ALDH1A3: variants seen among roughly 807,000 people sequenced by gnomAD.
The protein encoded by ALDH1A3 is retinaldehyde dehydrogenase 3.
Under a neutral mutation model 57.5 loss-of-function variants are expected in ALDH1A3, and 28 were observed. That is an observed-to-expected ratio of 0.49 (90% CI 0.36 to 0.67). ALDH1A3 has a LOEUF of 0.67. ALDH1A3 is among the 30% of genes least tolerant of loss of function. The pLI is 0.00. For synonymous variants in ALDH1A3, 281 were observed against 264.8 expected (o/e 1.06, Z -0.59); for missense variants, 507 against 669.4 (o/e 0.76, Z 2.68).
At chr15:100,896,491 A>G (rs1052415360) in intron 7 of ALDH1A3, among the ~76,000 whole-genome samples, 10 of 152,158 alleles carry the variant, frequency 6.6e-5, no homozygotes, top group Admixed American at 3.3e-4. Context: ...CATTAAGCTT[A>G]AACTAGTTTG....
At chr15:100,903,859 TA>T (rs1567172981) in intron 9 of ALDH1A3, among the ~76,000 whole-genome samples, 1 of 152,252 alleles carries the variant, frequency 6.6e-6, no homozygotes, top group African/African-American at 2.4e-5. Flanking sequence ...GCATTTTTCT[TA>T]TCACTTCTAA....
intron 2 of ALDH1A3, 93 bp downstream of exon 2, chr15:100,885,464 G>C (rs2041585793): frequency 1.1e-6 from 1 of 941,204 alleles, no homozygotes; most frequent in Non-Finnish European, 1.7e-6. Context: ...GACAGAACTG[G>C]CCTATCCTGG....
rs761893946 is a variant in ALDH1A3, at chr15:100,893,017, C to T, written c.537+11C>T. On this transcript the variant is annotated intron_variant, in intron 5 of 12. Transcript: ENST00000329841. The surrounding 1 kb of genome is among the most constrained non-coding windows in gnomAD (Gnocchi z 4.8). ...GGGGCCATCACTCCAGTAAGTATGG[C>T]AGCCTTTCTCAGTAGATTCTATGTA... The T allele has an allele frequency of 3.1e-6, 5 of 1,611,502 alleles. No homozygotes were observed. The African/African-American group carries it at 6.7e-5, about 22-fold the overall frequency.
intron 8 of ALDH1A3, among the ~76,000 whole-genome samples, chr15:100,899,929 T>C (rs980929959): frequency 1.3e-5 from 2 of 152,230 alleles, no homozygotes; most frequent in African/African-American, 4.8e-5. Context: ...TTGGTGGTGA[T>C]GAAACCAGCC....
chr15:100,892,267 A>G (rs2041657952), intron 3 of ALDH1A3: 9 of 493,108 alleles, frequency 1.8e-5, no homozygotes, highest in Non-Finnish European at 1.8e-5. Context: ...GTGCATGTCT[A>G]TGTTTTAGCC....
rs748803800 is a variant in ALDH1A3 at position 100,894,067 on chromosome 15, C to T, written c.651C>T (p.Gly217=). Reference sequence around the variant, plus strand: ...CACCTCTCACCGCCCTTTATCTCGGCTCTCTGATCAAAGAGGTGAGACATC... The same window carrying T: ...CACCTCTCACCGCCCTTTATCTCGGTTCTCTGATCAAAGAGGTGAGACATC... ...EQTPLTALYL[G]SLIKEAGFPP... The change falls in exon 6 of 13, where the codon GGC becomes GGT. Residue 217 remains glycine, a synonymous_variant. Coordinates refer to ENST00000329841, the MANE Select transcript of ALDH1A3 (RefSeq NM_000693.4). The surrounding 1 kb of genome is among the most constrained non-coding windows in gnomAD (Gnocchi z 4.5). The T allele has an allele frequency of 1.2e-6, 2 of 1,614,102 alleles. No individual in the cohort carries two copies. The highest frequency in any genetic ancestry group is 1.7e-6 in the Non-Finnish European group (2 of 1,180,012).
At chr15:100,880,565 C>T in intron 1 of ALDH1A3, 1 of 213,724 alleles carries the variant, frequency 4.7e-6, no homozygotes. Flanking sequence ...GGCTCAGCAG[C>T]AGAACGAGGA....
intron 7 of ALDH1A3, among the ~76,000 whole-genome samples, chr15:100,897,620 C>G (rs2041720256): frequency 6.6e-6 from 1 of 152,250 alleles, no homozygotes; most frequent in South Asian, 2.1e-4. Flanking sequence ...CTTGGAGGTT[C>G]CCTCAGATCA....
chr15:100,903,771 C>A (rs1019949273), intron 9 of ALDH1A3, among the ~76,000 whole-genome samples: 1 of 152,154 alleles, frequency 6.6e-6, no homozygotes, highest in Non-Finnish European at 1.5e-5. Context: ...GGTAGAACAT[C>A]TTATTATATA....
intron 1 of ALDH1A3, among the ~76,000 whole-genome samples, chr15:100,884,894 C>G (rs1167118134): frequency 6.6e-6 from 1 of 152,314 alleles, no homozygotes; most frequent in East Asian, 1.9e-4. Context: ...AACCTATTGA[C>G]TCTTCCCCCA....
Position 100,908,490 on chromosome 15 carries a change from T to C in ALDH1A3, c.1466+8T>C, listed in dbSNP as rs2041848683. 6.2e-7 allele frequency: 1 copy of C among 1,608,552 alleles called. No individual in the cohort carries two copies. The highest frequency in any genetic ancestry group is 8.5e-7 in the Non-Finnish European group (1 of 1,174,968). ...AGGAAATGGCAGAGAACTGTAAGTG[T>C]TTCCATCATTCTGAGCCTGCCGTGG... On this transcript the variant is annotated splice_region_variant and intron_variant, in intron 12 of 12. Transcript: ENST00000329841.
chr15:100,894,226 C>A lies in ALDH1A3; in HGVS notation c.666+144C>A. 9.6e-7 allele frequency: 1 copy of A among 1,041,606 alleles called. No homozygotes were observed. Among genetic ancestry groups the A allele is most frequent in the Non-Finnish European group, 1.4e-6 (1 of 724,104 alleles). 64.5% of individuals were successfully genotyped at this position (1,041,606 alleles called of 1,614,324 possible). ...TGACTTCCAGTGTTTTGTTTGGCGACTGCACGTTCTTTCTCCTGCTTGTGG... is the reference window on the plus strand; with the variant it reads ...TGACTTCCAGTGTTTTGTTTGGCGAATGCACGTTCTTTCTCCTGCTTGTGG... On this transcript the variant is annotated intron_variant, in intron 6 of 12. Transcript: ENST00000329841. The surrounding 1 kb of genome is among the most constrained non-coding windows in gnomAD (Gnocchi z 4.5).
chr15:100,905,897 A>C (rs2041817686), intron 10 of ALDH1A3, among the ~76,000 whole-genome samples: 1 of 152,242 alleles, frequency 6.6e-6, no homozygotes, highest in Middle Eastern at 3.4e-3. Context: ...GGCGAACTCC[A>C]AGCATGATAC....
chr15:100,912,364 TTTG>T (rs2041889759), intron 12 of ALDH1A3, among the ~76,000 whole-genome samples: 1 of 152,244 alleles, frequency 6.6e-6, no homozygotes. Context: ...ATTCCTGTCC[TTTG>T]TTGATTTTTC....
chr15:100,880,293 G>A (rs2041534439), intron 1 of ALDH1A3: 1 of 380,388 alleles, frequency 2.6e-6, no homozygotes, highest in Non-Finnish European at 4.7e-6. Flanking sequence ...AGGCCCCGAC[G>A]TGTCCCTGCG....
At chr15:100,904,665 A>G (rs1473005898) in intron 9 of ALDH1A3, among the ~76,000 whole-genome samples, 2 of 152,164 alleles carry the variant, frequency 1.3e-5, no homozygotes, top group African/African-American at 4.8e-5. Context: ...CAGAAAGAGC[A>G]TTTTCCCTCT....
In ALDH1A3 at chr15:100,914,686, T is replaced by C; in HGVS notation, c.1467-15T>C. Reference sequence around the variant, plus strand: ...ATGTACCCATTTTGAATTTTCCTCTTTTCTGTGATCACAGAGGTGAATACG... The same window carrying C: ...ATGTACCCATTTTGAATTTTCCTCTCTTCTGTGATCACAGAGGTGAATACG... On this transcript the variant is annotated splice_polypyrimidine_tract_variant and intron_variant, in intron 12 of 12. Transcript: ENST00000329841. 1 of 1,613,196 alleles carries C rather than the reference T, an allele frequency of 6.2e-7. No individual in the cohort carries two copies. Among genetic ancestry groups the C allele is most frequent in the South Asian group, 1.1e-5 (1 of 90,874 alleles).
chr15:100,904,925 C>T (rs976133513), intron 9 of ALDH1A3, among the ~76,000 whole-genome samples: 3 of 152,322 alleles, frequency 2.0e-5, no homozygotes, highest in Admixed American at 1.3e-4. Context: ...CTTCTCGCTT[C>T]TCTGCACCAT....
chr15:100,896,173 A>C (rs1362843102), intron 7 of ALDH1A3, 127 bp downstream of exon 7: 1 of 728,642 alleles, frequency 1.4e-6, no homozygotes. Flanking sequence ...TTTAGTACAT[A>C]ACAACCAGTT....
Sources: gnomAD v4.1 joint callset for allele counts (sites outside exome capture counted in the v4.1 genomes callset) on GRCh38, gnomAD v4.1.1 for gene constraint, Gnocchi (gnomAD v3.1) non-coding constraint, MANE v1.5 for transcripts, NCBI Gene and HGNC (gene_info 2026-07-23, HGNC 2026-07-21) for gene names.